Variants in ZNF516 observed in about 807,000 individuals in gnomAD.
ZNF516 encodes zinc finger protein 516.
ZNF516 carries 19 observed loss-of-function variants against 79.7 expected under a neutral mutation model. That is an observed-to-expected ratio of 0.24 (90% CI 0.17 to 0.35). The LOEUF (loss-of-function observed/expected upper bound fraction) is 0.35. Among genes scored for constraint, ZNF516 ranks in the 10% least tolerant of loss-of-function variants. The probability of loss-of-function intolerance (pLI) is 1.00; values close to 1 mark genes in which losing one functional copy is unlikely to be tolerated. For synonymous variants in ZNF516, 877 were observed against 739.5 expected (o/e 1.19, Z -3.02); for missense variants, 1,678 against 1,679.5 (o/e 1.00, Z 0.02).
At chr18:76,490,807 C>G in intron 1 of ZNF516, 2 of 985,478 alleles carry the variant, frequency 2.0e-6, no homozygotes, top group Non-Finnish European at 2.4e-6. Flanking sequence ...ACGAGCGGAC[C>G]GGAGGGTCCG....
intron 3 of ZNF516, among the ~76,000 whole-genome samples, chr18:76,427,212 G>T (rs142542836): frequency 1.3e-5 from 2 of 152,130 alleles, no homozygotes; most frequent in African/African-American, 4.8e-5. Context: ...CAACACTTAC[G>T]ACTGGAACCA....
intron 1 of ZNF516, chr18:76,492,099 C>G: frequency 2.2e-6 from 2 of 927,244 alleles, no homozygotes; most frequent in Non-Finnish European, 2.6e-6. Flanking sequence ...GGTCTCCCTG[C>G]AGGGGTCTCC....
At chr18:76,488,864 G>A (rs953455652) in intron 1 of ZNF516, among the ~76,000 whole-genome samples, 4 of 152,194 alleles carry the variant, frequency 2.6e-5, no homozygotes, top group Non-Finnish European at 5.9e-5. Context: ...GCCTTCTTCA[G>A]TTGGAAATCT....
chr18:76,492,553 T>C (rs760000502), intron 1 of ZNF516: 1 of 349,470 alleles, frequency 2.9e-6, no homozygotes, highest in Non-Finnish European at 4.0e-6. Flanking sequence ...ATGCTGCCCT[T>C]CACTTTTCTA....
chr18:76,493,156 G>A lies in ZNF516; in HGVS notation c.-272+1988C>T. The A allele has an allele frequency of 1.0e-6, 1 of 985,280 alleles. No homozygotes were observed. The highest frequency in any genetic ancestry group is 1.2e-6 in the Non-Finnish European group (1 of 829,882). 61.0% of individuals were successfully genotyped at this position (985,280 alleles called of 1,614,324 possible). A position where few individuals can be genotyped will look rare whatever the true frequency, so the allele number is the denominator to read the frequency against. On this transcript the variant is annotated intron_variant, in intron 1 of 6. Transcript: ENST00000443185. The surrounding 1 kb of genome is among the most constrained non-coding windows in gnomAD (Gnocchi z 5.2). ...CATTTAATGGTAAAACAACAGCAGA[G>A]CTCTGAAAGTTAGCCATCTGCGCAG...
In ZNF516 at chr18:76,379,092, G is replaced by T. The variant is rs774619084; in HGVS notation, c.3022C>A (p.Gln1008Lys). Residue 1008 changes from glutamine to lysine, a missense_variant, in exon 4 of 7, where the codon CAG (glutamine) becomes AAG (lysine). This residue lies in a region of ZNF516 where 1,294 missense variants were observed against 1,248.3 expected (regional missense o/e 1.04). Coordinates refer to ENST00000443185, the MANE Select transcript of ZNF516 (RefSeq NM_014643.4). ...CAGGTGGCCAGAGTCCTCAGCTCCT[G>T]GGCTGCCTTCGAGGGGGGCTCGCGG... ...PPREPPSKAA[Q>K]ELRTLATCAA... 9.9e-6 allele frequency: 16 copies of T among 1,611,170 alleles called. No individual in the cohort carries two copies. The highest frequency in any genetic ancestry group is 1.3e-5 in the African/African-American group (1 of 74,908).
intron 3 of ZNF516, among the ~76,000 whole-genome samples, chr18:76,428,542 C>A (rs546158436): frequency 3.1e-4 from 47 of 152,296 alleles, no homozygotes; most frequent in African/African-American, 1.1e-3. Context: ...AACAAGATCA[C>A]CCTGAACTCC....
In ZNF516 at chr18:76,442,929, G is replaced by C; in HGVS notation, c.126C>G (p.Ser42Arg). ...GCGAAAGCGAGCTCTGGAAGGGGAA[G>C]CTCTTGCCGCAGATGCAGCAGGTGT... is the stretch of plus-strand genomic sequence containing the variant. ...TCHTCCICGKSFPFQSSLSQH... is the reference protein window; with the variant it reads ...TCHTCCICGKRFPFQSSLSQH... The change falls in exon 3 of 7, where the codon AGC (serine) becomes AGG (arginine). Residue 42 changes from serine to arginine, a missense_variant. By Grantham distance (110) the Ser-to-Arg change is moderately radical. This residue lies in a region of ZNF516 where 62 missense variants were observed against 58.9 expected (regional missense o/e 1.05). Transcript: ENST00000443185. The C allele has an allele frequency of 6.2e-7, 1 of 1,612,030 alleles. No homozygotes were observed. The highest frequency in any genetic ancestry group is 8.5e-7 in the Non-Finnish European group (1 of 1,179,752).
chr18:76,458,347 C>G (rs929451126), intron 2 of ZNF516, among the ~76,000 whole-genome samples: 6 of 152,298 alleles, frequency 3.9e-5, no homozygotes, highest in Non-Finnish European at 8.8e-5. Flanking sequence ...CTGACGGGCC[C>G]AAGTCCTCAC....
At chr18:76,462,727 C>G (rs997662091) in intron 2 of ZNF516, among the ~76,000 whole-genome samples, 1 of 152,006 alleles carries the variant, frequency 6.6e-6, no homozygotes, top group East Asian at 1.9e-4. Context: ...ATGGACCCCC[C>G]ACCCCAGGAG....
At chr18:76,491,643 G>A (rs1915229803) in intron 1 of ZNF516, 2 of 688,504 alleles carry the variant, frequency 2.9e-6, no homozygotes, top group Non-Finnish European at 3.5e-6. Context: ...CCCTCCTCCT[G>A]GCAGCCCAGC....
chr18:76,485,681 A>C (rs889477455), intron 1 of ZNF516, among the ~76,000 whole-genome samples: 4 of 152,164 alleles, frequency 2.6e-5, no homozygotes, highest in African/African-American at 4.8e-5. Flanking sequence ...TTCCTGCAAC[A>C]TGGCATAAGA....
At chr18:76,452,117 C>T (rs1393145208) in intron 2 of ZNF516, among the ~76,000 whole-genome samples, 1 of 152,224 alleles carries the variant, frequency 6.6e-6, no homozygotes, top group Admixed American at 6.5e-5. Context: ...ACTCCACCCA[C>T]CTCCCCCACT....
In ZNF516 at chr18:76,379,017, C is replaced by T. The variant is rs1454976705; in HGVS notation, c.3097G>A (p.Ala1033Thr). 1 of 1,608,414 alleles carries T rather than the reference C, an allele frequency of 6.2e-7. No homozygotes were observed. The highest frequency in any genetic ancestry group is 8.5e-7 in the Non-Finnish European group (1 of 1,177,992). ...DAALQAQPGV[A>T]GAPPVLHSIK... ...GAGTGTAGGACGGGGGGCGCCCCAGCCACGCCGGGCTGGGCCTGCAAGGCC... is the reference window on the plus strand; with the variant it reads ...GAGTGTAGGACGGGGGGCGCCCCAGTCACGCCGGGCTGGGCCTGCAAGGCC... Residue 1033 changes from alanine to threonine, a missense_variant, in exon 4 of 7, where the codon GCT becomes ACT. Transcript: ENST00000443185.
At chr18:76,453,721 T>G (rs1283001194) in intron 2 of ZNF516, among the ~76,000 whole-genome samples, 1 of 152,248 alleles carries the variant, frequency 6.6e-6, no homozygotes, top group African/African-American at 2.4e-5. Flanking sequence ...AAAATTTTTC[T>G]TAGAAATGAT....
intron 1 of ZNF516, chr18:76,491,051 G>C (rs1172431597): frequency 7.5e-5 from 74 of 985,306 alleles, no homozygotes; most frequent in Non-Finnish European, 8.7e-5. Flanking sequence ...CGCGGGCGCA[G>C]GACCGGTTCA....
chr18:76,392,556 CACGT>C (rs1406098332), intron 3 of ZNF516, among the ~76,000 whole-genome samples: 5 of 138,728 alleles, frequency 3.6e-5, no homozygotes, highest in African/African-American at 1.4e-4. Flanking sequence ...GGCAGGTGGC[CACGT>C]GGGGGAAAGG....
At position 76,404,547 on chromosome 18, in the gene ZNF516, C is replaced by T. The variant is rs148260694; in HGVS notation, c.1811-24244G>A. Among the ~76,000 whole-genome samples the T allele has an allele frequency of 5.2e-3, 784 of 151,674 alleles. 3 individuals are homozygous for T. The highest frequency in any genetic ancestry group is 6.0e-3 in the Non-Finnish European group (410 of 67,934). ...AGTAATGTGTGTGAACATGTGTGAA[C>T]GTGTGCATGTGTTTGTATGTTTGTG... On this transcript the variant is annotated intron_variant, in intron 3 of 6. Transcript: ENST00000443185.
At chr18:76,371,935 G>A (rs893356538) in intron 4 of ZNF516, among the ~76,000 whole-genome samples, 3 of 152,228 alleles carry the variant, frequency 2.0e-5, no homozygotes, top group African/African-American at 4.8e-5. Flanking sequence ...TGACACCGGC[G>A]TGACAGAGAC....
Sources: allele counts gnomAD v4.1 joint callset (sites outside exome capture counted in the v4.1 genomes callset), GRCh38; gene constraint gnomAD v4.1.1; regional missense constraint gnomAD v4.1.1; non-coding constraint Gnocchi (gnomAD v3.1); transcripts MANE v1.5; gene names NCBI Gene and HGNC (gene_info 2026-07-23, HGNC 2026-07-21).